Variants in CHSY3 observed in about 807,000 individuals in gnomAD.
CHSY3 encodes the protein N-acetylgalactosaminyl-proteoglycan 3-beta-glucuronosyltransferase 3.
In CHSY3, 35 loss-of-function variants were observed where a neutral mutation model predicts 67.2. The ratio of observed to expected loss-of-function variants is 0.52; its 90% CI spans 0.40 to 0.69. The LOEUF (loss-of-function observed/expected upper bound fraction) is 0.69, where lower values mean the gene tolerates loss of function less well. Ranked by LOEUF, CHSY3 falls within the 30% of genes least tolerant of loss-of-function variation. The probability of loss-of-function intolerance (pLI) is 0.00; values close to 1 mark genes in which losing one functional copy is unlikely to be tolerated. For missense variants in CHSY3, 1,069 were observed against 1,138.5 expected, an observed-to-expected ratio of 0.94 and a Z score of 0.88; for synonymous variants, 474 against 434.7, an observed-to-expected ratio of 1.09 and a Z score of -1.12.
At chr5:129,966,585 CG>C (rs1441681275) in intron 2 of CHSY3, among the ~76,000 whole-genome samples, 1 of 151,274 alleles carries the variant, frequency 6.6e-6, no homozygotes, top group Non-Finnish European at 1.5e-5. Context: ...CATAACATCT[CG>C]GAGGTATGAA....
intron 2 of CHSY3, among the ~76,000 whole-genome samples, chr5:130,045,937 A>T (rs1765134135): frequency 6.6e-6 from 1 of 152,070 alleles, no homozygotes; most frequent in Non-Finnish European, 1.5e-5. Context: ...TTCACTGAGT[A>T]TCTAGATGTG....
chr5:130,025,446 GGGGTTCT>G (rs1246780800), intron 2 of CHSY3, among the ~76,000 whole-genome samples: 1 of 152,128 alleles, frequency 6.6e-6, no homozygotes, highest in Non-Finnish European at 1.5e-5. Flanking sequence ...CAGATCAGGT[GGGGTTCT>G]GGCTCACAAA....
At chr5:130,112,478 G>A (rs923081170) in intron 2 of CHSY3, among the ~76,000 whole-genome samples, 1 of 152,012 alleles carries the variant, frequency 6.6e-6, no homozygotes, top group African/African-American at 2.4e-5. Context: ...TGCTTCTGCT[G>A]GTGGTCTGCT....
intron 2 of CHSY3, among the ~76,000 whole-genome samples, chr5:130,048,704 T>C (rs1198322414): frequency 6.6e-6 from 1 of 152,084 alleles, no homozygotes; most frequent in Non-Finnish European, 1.5e-5. Flanking sequence ...TTTTCTTATT[T>C]ATTCTTGTTA....
At chr5:130,064,288 T>C (rs1323411131) in intron 2 of CHSY3, among the ~76,000 whole-genome samples, 3 of 152,140 alleles carry the variant, frequency 2.0e-5, no homozygotes, top group Non-Finnish European at 2.9e-5. Context: ...ACATATTCTC[T>C]CCTGTCCCCA....
chr5:129,936,242 A>C (rs1037287032), intron 2 of CHSY3, among the ~76,000 whole-genome samples: 1 of 152,190 alleles, frequency 6.6e-6, no homozygotes, highest in Non-Finnish European at 1.5e-5. Flanking sequence ...AAGGCCAAGC[A>C]ATTTTGCGTG....
At chr5:130,017,798 C>T (rs1047217659) in intron 2 of CHSY3, among the ~76,000 whole-genome samples, 1 of 151,886 alleles carries the variant, frequency 6.6e-6, no homozygotes, top group Non-Finnish European at 1.5e-5. Context: ...TTAACTAAAA[C>T]ATCATGGAGA....
intron 2 of CHSY3, among the ~76,000 whole-genome samples, chr5:130,128,495 G>GT (rs1768371331): frequency 6.6e-6 from 1 of 151,998 alleles, no homozygotes; most frequent in Admixed American, 6.6e-5. Flanking sequence ...AAGTAGAATG[G>GT]TAATTACCAG....
intron 2 of CHSY3, among the ~76,000 whole-genome samples, chr5:130,102,260 A>G (rs948331046): frequency 7.2e-5 from 11 of 152,140 alleles, no homozygotes; most frequent in Admixed American, 3.3e-4. Context: ...GCCAGGTAGC[A>G]ACAAGACAAA....
rs184542113 is a variant in CHSY3 at position 130,121,957 on chromosome 5, G to T, written c.1087-62272G>T. On this transcript the variant is annotated intron_variant, in intron 2 of 2. Transcript: ENST00000305031. ...CCGTCTGGGCTCAGCACCCTCAGCT[G>T]CACAGTTCACCAATCCAGCATCTAT... Among the ~76,000 whole-genome samples, 188 of 152,052 alleles carry T rather than the reference G, an allele frequency of 1.2e-3. 3 individuals are homozygous for T. Among genetic ancestry groups the T allele is most frequent in the Admixed American group, 5.0e-3 (76 of 15,264 alleles).
At chr5:130,144,965 G>A (rs1052706273) in intron 2 of CHSY3, among the ~76,000 whole-genome samples, 6 of 152,160 alleles carry the variant, frequency 3.9e-5, no homozygotes, top group African/African-American at 1.2e-4. Context: ...GGAAGGAAAA[G>A]GGGGAACCAG....
intron 2 of CHSY3, among the ~76,000 whole-genome samples, chr5:130,073,926 T>C (rs991578620): frequency 6.6e-6 from 1 of 152,196 alleles, no homozygotes; most frequent in Non-Finnish European, 1.5e-5. Context: ...ATAGAACTAG[T>C]ATGTAAAGAG....
chr5:129,963,974 C>A (rs1446876626), intron 2 of CHSY3, among the ~76,000 whole-genome samples: 2 of 151,858 alleles, frequency 1.3e-5, no homozygotes, highest in African/African-American at 4.8e-5. Flanking sequence ...TAATAAATTT[C>A]TGAATCATGG....
At chr5:130,106,895 C>T (rs1561539606) in intron 2 of CHSY3, among the ~76,000 whole-genome samples, 1 of 151,500 alleles carries the variant, frequency 6.6e-6, no homozygotes, top group Non-Finnish European at 1.5e-5. Flanking sequence ...ATAATTTTAG[C>T]TTAAGCAGTT....
At chr5:130,176,456 G>T (rs1381697156) in intron 2 of CHSY3, among the ~76,000 whole-genome samples, 8 of 151,570 alleles carry the variant, frequency 5.3e-5, no homozygotes, top group Admixed American at 5.3e-4. Flanking sequence ...ATTCCTCAAG[G>T]TTCTAGAACC....
At chr5:130,062,770 G>A (rs1765755831) in intron 2 of CHSY3, among the ~76,000 whole-genome samples, 1 of 151,014 alleles carries the variant, frequency 6.6e-6, no homozygotes, top group African/African-American at 2.4e-5. Flanking sequence ...AGTTTATGAA[G>A]TTTTTTTTTA....
At chr5:130,142,634 T>C (rs1034895099) in intron 2 of CHSY3, among the ~76,000 whole-genome samples, 3 of 152,208 alleles carry the variant, frequency 2.0e-5, no homozygotes, top group African/African-American at 7.2e-5. Context: ...AAATTCAAGA[T>C]CCTCAAAGCC....
intron 2 of CHSY3, among the ~76,000 whole-genome samples, chr5:130,055,144 G>A (rs1379294706): frequency 2.0e-5 from 3 of 152,106 alleles, no homozygotes; most frequent in Non-Finnish European, 4.4e-5. Context: ...AGTGCAGCAT[G>A]TACTCTGATC....
intron 2 of CHSY3, among the ~76,000 whole-genome samples, chr5:130,052,702 A>G (rs559430992): frequency 2.8e-4 from 43 of 152,290 alleles, no homozygotes; most frequent in African/African-American, 1.0e-3. Context: ...AAGGGAGCCT[A>G]TGTCTTTTAT....
Sources: gnomAD v4.1 joint callset for allele counts (sites outside exome capture counted in the v4.1 genomes callset) on GRCh38, gnomAD v4.1.1 for gene constraint, MANE v1.5 for transcripts, NCBI Gene and HGNC (gene_info 2026-07-23, HGNC 2026-07-21) for gene names.